The following EML6 variants were observed in gnomAD, a reference collection of about 807,000 sequenced individuals.
The protein encoded by EML6 is echinoderm microtubule-associated protein-like 6.
A neutral mutation model predicts 240.1 loss-of-function variants in EML6; 154 were observed. The observed-to-expected ratio is 0.64, with a 90% CI of 0.56 to 0.73. The LOEUF (loss-of-function observed/expected upper bound fraction) is 0.73, where lower values mean the gene tolerates loss of function less well. Ranked by LOEUF, EML6 falls within the 30% of genes least tolerant of loss-of-function variation. EML6 has a pLI of 0.00. For missense variants in EML6, 2,964 were observed against 2,474.6 expected (o/e 1.20, Z -4.20); for synonymous variants, 1,148 against 899.0 (o/e 1.28, Z -4.95).
At chr2:54,915,801 G>A (rs1001889788) in intron 25 of EML6, among the ~76,000 whole-genome samples, 3 of 151,994 alleles carry the variant, frequency 2.0e-5, no homozygotes, top group African/African-American at 7.2e-5. Context: ...GAGAGATCTG[G>A]GCTTTAATTT....
chr2:54,825,080 A>C (rs777098210), intron 5 of EML6, among the ~76,000 whole-genome samples: 4 of 152,240 alleles, frequency 2.6e-5, no homozygotes, highest in Non-Finnish European at 5.9e-5. Context: ...ACTTTTATGT[A>C]GATCAAGTCT....
chr2:54,916,691 A>G (rs2104320334), intron 25 of EML6, 68 bp from the exon 26 acceptor site: 1 of 1,306,928 alleles, frequency 7.7e-7, no homozygotes, highest in East Asian at 2.6e-5. Context: ...ACTCAGGTGC[A>G]AACTGTTTCT....
chr2:54,786,499 T>A (rs1669096782), intron 2 of EML6, among the ~76,000 whole-genome samples: 1 of 152,168 alleles, frequency 6.6e-6, no homozygotes, highest in Non-Finnish European at 1.5e-5. Flanking sequence ...CAAGTGCTGC[T>A]ACCGCACCCG....
At chr2:54,924,181 A>C (rs1352142682) in intron 26 of EML6, among the ~76,000 whole-genome samples, 2 of 152,222 alleles carry the variant, frequency 1.3e-5, no homozygotes, top group African/African-American at 4.8e-5. Context: ...ACATTTTAAG[A>C]AACTGCCAGA....
chr2:54,945,730 G>A (rs1675664470), intron 28 of EML6, among the ~76,000 whole-genome samples: 1 of 152,230 alleles, frequency 6.6e-6, no homozygotes, highest in Non-Finnish European at 1.5e-5. Context: ...CTTGGGGAGG[G>A]GGAAAGGAGG....
intron 28 of EML6, among the ~76,000 whole-genome samples, chr2:54,943,635 C>A (rs1675540868): frequency 6.6e-6 from 1 of 152,166 alleles, no homozygotes; most frequent in Non-Finnish European, 1.5e-5. Flanking sequence ...TCTCCTCTCT[C>A]TGTCTTACTA....
chr2:54,932,036 C>A (rs141283784), intron 28 of EML6, among the ~76,000 whole-genome samples: 6 of 152,262 alleles, frequency 3.9e-5, no homozygotes, highest in African/African-American at 9.6e-5. Context: ...GATTTCAGAT[C>A]CTGCTTCTTT....
chr2:54,970,127 G>A lies in EML6; in HGVS notation c.*32G>A. The A allele has an allele frequency of 6.4e-7, 1 of 1,550,656 alleles. No homozygotes were observed. Among genetic ancestry groups the A allele is most frequent in the Non-Finnish European group, 8.7e-7 (1 of 1,146,012 alleles). On this transcript the variant is annotated 3_prime_UTR_variant, in exon 42 of 42. Transcript: ENST00000356458. ...AGAAGCCTCTTATGTTATTGCTGCTGCTGCTACCAGCCAGCAACTGCAGAG... is the reference window on the plus strand; with the variant it reads ...AGAAGCCTCTTATGTTATTGCTGCTACTGCTACCAGCCAGCAACTGCAGAG...
At chr2:54,892,832 T>G (rs1165524670) in intron 19 of EML6, among the ~76,000 whole-genome samples, 176 bp downstream of exon 19, 1 of 152,188 alleles carries the variant, frequency 6.6e-6, no homozygotes, top group Non-Finnish European at 1.5e-5. Context: ...ATTTTTATAA[T>G]TTCGTTTACA....
chr2:54,963,586 G>A (rs757710550), intron 36 of EML6, among the ~76,000 whole-genome samples: 1 of 152,218 alleles, frequency 6.6e-6, no homozygotes, highest in Non-Finnish European at 1.5e-5. Flanking sequence ...GAAGAGGTTG[G>A]CAATCTACAG....
intron 4 of EML6, among the ~76,000 whole-genome samples, chr2:54,817,758 C>G (rs929848270): frequency 1.3e-5 from 2 of 151,900 alleles, no homozygotes; most frequent in African/African-American, 4.8e-5. Flanking sequence ...TAGAATGAGG[C>G]TCTAATTAAA....
chr2:54,748,453 C>CA lies in EML6; in HGVS notation c.197+23196dup, dbSNP rs1684015921. 3.3e-5 allele frequency: 5 copies of CA among 152,268 alleles called. 1 individual carries two copies. Among genetic ancestry groups the CA allele is most frequent in the African/African-American group, 1.2e-4 (5 of 41,546 alleles). The allele number at this position is 152,268 out of a possible 1,614,324, so 9.4% of individuals were successfully genotyped here. A position where few individuals can be genotyped will look rare whatever the true frequency, so the allele number is the denominator to read the frequency against. On this transcript the variant is annotated intron_variant, in intron 2 of 41. Coordinates refer to ENST00000356458, the MANE Select transcript of EML6 (RefSeq NM_001039753.4). The stretch of plus-strand genomic sequence containing the variant: ...TTTGCTGTCTTCATCACTGGTCCAG[C>CA]ACAAGGCCTAGTATAGGGAGGACAC...
At position 54,869,381 on chromosome 2, in the gene EML6, G is replaced by A; in HGVS notation, c.2238+14G>A. On this transcript the variant is annotated intron_variant, in intron 15 of 41. Transcript: ENST00000356458. ...GCTACTGGGCAGGTATCTATCTCCT[G>A]TAAACTAGGGCCTAGCCAAAAAGAG... 3.9e-6 allele frequency: 6 copies of A among 1,519,450 alleles called. No individual in the cohort carries two copies. Among genetic ancestry groups the A allele is most frequent in the Non-Finnish European group, 5.3e-6 (6 of 1,124,764 alleles). The allele number at this position is 1,519,450 out of a possible 1,614,324, so 94.1% of individuals were successfully genotyped here.
intron 40 of EML6, 88 bp from the exon 41 acceptor site, chr2:54,968,580 G>C: frequency 1.2e-6 from 1 of 807,048 alleles, no homozygotes; most frequent in Middle Eastern, 2.3e-4. Context: ...AAGGTTCTGG[G>C]AGCAGGGGAT....
chr2:54,767,764 C>A (rs1668247418), intron 2 of EML6, among the ~76,000 whole-genome samples: 1 of 152,012 alleles, frequency 6.6e-6, no homozygotes, highest in South Asian at 2.1e-4. Context: ...CCTCTTGCTG[C>A]ATGCTCCACC....
At chr2:54,923,103 G>C (rs893778920) in intron 26 of EML6, among the ~76,000 whole-genome samples, 4 of 151,772 alleles carry the variant, frequency 2.6e-5, no homozygotes, top group Non-Finnish European at 5.9e-5. Context: ...CACTATGCCT[G>C]GCTAATTTTG....
chr2:54,871,474 TA>T, intron 15 of EML6, 25 bp from the exon 16 acceptor site: 1 of 1,462,454 alleles, frequency 6.8e-7, no homozygotes, highest in Non-Finnish European at 9.4e-7. Context: ...TGTTAGTAGT[TA>T]ATAACAGTCA....
intron 26 of EML6, among the ~76,000 whole-genome samples, chr2:54,917,767 CAT>C (rs1491507739): frequency 6.6e-6 from 1 of 152,198 alleles, no homozygotes; most frequent in Non-Finnish European, 1.5e-5. Context: ...CCCGAAGTCT[CAT>C]TTTTTTTTCC....
intron 38 of EML6, among the ~76,000 whole-genome samples, chr2:54,965,764 A>G (rs147762321): frequency 1.3e-5 from 2 of 152,334 alleles, no homozygotes; most frequent in East Asian, 3.9e-4. Context: ...AAATATCTCA[A>G]GCGCTGAATT....
Sources: gnomAD v4.1 joint callset for allele counts (sites outside exome capture counted in the v4.1 genomes callset) on GRCh38, gnomAD v4.1.1 for gene constraint, MANE v1.5 for transcripts, NCBI Gene and HGNC (gene_info 2026-07-23, HGNC 2026-07-21) for gene names.